Variants in DCUN1D1 observed in about 807,000 individuals in gnomAD.
DCUN1D1 encodes the protein defective in cullin neddylation 1 domain containing 1, also known as DCN1-like protein 1.
DCUN1D1 carries 3 observed loss-of-function variants against 39.0 expected under a neutral mutation model. The observed-to-expected ratio is 0.08, with a 90% confidence interval of 0.04 to 0.20. The LOEUF is 0.20. Among genes scored for constraint, DCUN1D1 ranks in the 10% least tolerant of loss-of-function variants. The probability of loss-of-function intolerance (pLI) is 1.00; values close to 1 mark genes in which losing one functional copy is unlikely to be tolerated. For synonymous variants in DCUN1D1, 82 were observed against 96.3 expected (o/e 0.85, Z 0.87); for missense variants, 158 against 302.4 (o/e 0.52, Z 3.54).
chr3:182,980,079 G>A, intron 1 of DCUN1D1: 1 of 899,968 alleles, frequency 1.1e-6, no homozygotes, highest in Non-Finnish European at 1.3e-6. Flanking sequence ...TACTCACCCG[G>A]AACCCCAGAC....
At chr3:182,977,938 G>A (rs887864422) in intron 1 of DCUN1D1, among the ~76,000 whole-genome samples, 11 of 151,296 alleles carry the variant, frequency 7.3e-5, no homozygotes, top group Non-Finnish European at 1.2e-4. Context: ...TACTTGGGAG[G>A]CTTAGGCTGG....
At chr3:182,973,651 A>C (rs978499033) in intron 1 of DCUN1D1, among the ~76,000 whole-genome samples, 1 of 152,080 alleles carries the variant, frequency 6.6e-6, no homozygotes, top group African/African-American at 2.4e-5. Context: ...TACTAAAAAT[A>C]CAAAAATTAG....
chr3:182,945,196 A>G (rs768417171), intron 6 of DCUN1D1, 23 bp from the exon 7 acceptor site: 8 of 1,572,468 alleles, frequency 5.1e-6, no homozygotes, highest in Non-Finnish European at 6.0e-6. Flanking sequence ...AAAAATATGA[A>G]AGAAAGAGAA....
intron 1 of DCUN1D1, among the ~76,000 whole-genome samples, chr3:182,968,724 C>T (rs1474287439): frequency 6.6e-6 from 1 of 152,012 alleles, no homozygotes; most frequent in African/African-American, 2.4e-5. Context: ...CTCAGCCTCC[C>T]GAGTAGCTGG....
At chr3:182,963,778 A>G (rs1350550430) in intron 3 of DCUN1D1, 103 bp downstream of exon 3, 11 of 1,031,718 alleles carry the variant, frequency 1.1e-5, no homozygotes, top group Non-Finnish European at 1.5e-5. Context: ...ATTTATACCA[A>G]TGTTTGTGGG....
chr3:182,950,511 G>T (rs1016779558), intron 4 of DCUN1D1, among the ~76,000 whole-genome samples: 2 of 151,744 alleles, frequency 1.3e-5, no homozygotes, highest in African/African-American at 4.8e-5. Context: ...AAATAGGTTT[G>T]TTTTTATTAT....
rs915412506 is a variant in DCUN1D1 at position 182,938,333 on chromosome 3, T to C, written c.*6761A>G. ...ATTTGAGATGTATGCAATGTAGGAA[T>C]CTTATTTGAATCCTGACTTGAATTG... On this transcript the variant is annotated 3_prime_UTR_variant, in exon 7 of 7. Transcript: ENST00000292782. 2.3e-4 allele frequency: 34 copies of C among 150,710 alleles called. No individual in the cohort carries two copies. The highest frequency in any genetic ancestry group is 7.8e-4 in the African/African-American group (32 of 40,962). 9.3% of individuals were successfully genotyped at this position (150,710 alleles called of 1,614,324 possible).
intron 1 of DCUN1D1, among the ~76,000 whole-genome samples, chr3:182,977,970 GCAC>G (rs1728325750): frequency 1.3e-5 from 2 of 150,522 alleles, no homozygotes; most frequent in African/African-American, 4.9e-5. Flanking sequence ...AACCCAGGAG[GCAC>G]GGGTTGCAGT....
Position 182,939,540 on chromosome 3 carries a change from A to G in DCUN1D1, c.*5554T>C, listed in dbSNP as rs934960654. Reference sequence around the variant, plus strand: ...GTCAGCAACTAAAGGAACTACACGCAGGTATAAGCTGCAACATGGATGAAC... The same window carrying G: ...GTCAGCAACTAAAGGAACTACACGCGGGTATAAGCTGCAACATGGATGAAC... On this transcript the variant is annotated 3_prime_UTR_variant, in exon 7 of 7. Coordinates refer to ENST00000292782, the MANE Select transcript of DCUN1D1 (RefSeq NM_020640.4). The G allele has an allele frequency of 1.3e-5, 2 of 152,244 alleles. No homozygotes were observed. Among genetic ancestry groups the G allele is most frequent in the Admixed American group, 6.5e-5 (1 of 15,280 alleles). The allele number at this position is 152,244 out of a possible 1,614,324, so 9.4% of individuals were successfully genotyped here.
chr3:182,940,492 A>G lies in DCUN1D1; in HGVS notation c.*4602T>C, dbSNP rs938977004. Reference sequence around the variant, plus strand: ...CTGGCATGAATTTCAGTCTGACTCCATTTCTTTCCATTCCGCTGACAGATA... The same window carrying G: ...CTGGCATGAATTTCAGTCTGACTCCGTTTCTTTCCATTCCGCTGACAGATA... On this transcript the variant is annotated 3_prime_UTR_variant, in exon 7 of 7. Transcript: ENST00000292782. 2 of 152,072 alleles carry G rather than the reference A, an allele frequency of 1.3e-5. No individual in the cohort carries two copies. The highest frequency in any genetic ancestry group is 2.4e-5 in the African/African-American group (1 of 41,406). 9.4% of individuals were successfully genotyped at this position (152,072 alleles called of 1,614,324 possible).
intron 1 of DCUN1D1, among the ~76,000 whole-genome samples, chr3:182,973,209 T>C (rs1292442755): frequency 6.6e-6 from 1 of 152,094 alleles, no homozygotes; most frequent in Non-Finnish European, 1.5e-5. Flanking sequence ...AGAGAGCTAC[T>C]AAGTGACTAA....
intron 4 of DCUN1D1, among the ~76,000 whole-genome samples, chr3:182,948,593 T>A (rs1376703316): frequency 6.6e-6 from 1 of 152,236 alleles, no homozygotes; most frequent in African/African-American, 2.4e-5. Flanking sequence ...AGTGTTTAGT[T>A]TTTATGAGTG....
intron 1 of DCUN1D1, among the ~76,000 whole-genome samples, chr3:182,979,281 T>G (rs1388396371): frequency 1.3e-5 from 2 of 152,134 alleles, no homozygotes; most frequent in Non-Finnish European, 2.9e-5. Context: ...AACAAAATAC[T>G]GCCAAGCTGG....
intron 4 of DCUN1D1, among the ~76,000 whole-genome samples, chr3:182,960,905 T>C (rs1180091946): frequency 2.6e-5 from 4 of 152,186 alleles, no homozygotes; most frequent in Non-Finnish European, 4.4e-5. Context: ...CTAAAATATC[T>C]TCAGGGTCAT....
At chr3:182,962,601 T>C (rs1727456468) in intron 3 of DCUN1D1, among the ~76,000 whole-genome samples, 1 of 152,172 alleles carries the variant, frequency 6.6e-6, no homozygotes, top group African/African-American at 2.4e-5. Flanking sequence ...CTCAGCCTTG[T>C]GGGGATCTCC....
chr3:182,942,626 A>T lies in DCUN1D1; in HGVS notation c.*2468T>A, dbSNP rs1199792802. The T allele has an allele frequency of 4.0e-5, 6 of 151,864 alleles. No homozygotes were observed. The South Asian group carries it at 1.0e-3, about 26-fold the overall frequency. The allele number at this position is 151,864 out of a possible 1,614,324, so 9.4% of individuals were successfully genotyped here. The stretch of plus-strand genomic sequence containing the variant: ...GTTCAGTTTAAAACAAAGAATCAGC[A>T]TGGGGAGTTTACCGGAATGAGGACT... On this transcript the variant is annotated 3_prime_UTR_variant, in exon 7 of 7. Coordinates refer to ENST00000292782, the MANE Select transcript of DCUN1D1 (RefSeq NM_020640.4).
At chr3:182,972,408 GC>G (rs1420001165) in intron 1 of DCUN1D1, among the ~76,000 whole-genome samples, 1 of 152,100 alleles carries the variant, frequency 6.6e-6, no homozygotes, top group Non-Finnish European at 1.5e-5. Context: ...TAAAATAATT[GC>G]TTATGGATAA....
In DCUN1D1 at chr3:182,940,301, T is replaced by C. The variant is rs1726078245; in HGVS notation, c.*4793A>G. ...ATATGAACATGCATTTGAATATATA[T>C]GTACTTTTTAAATATAAAATGAGTA... is the stretch of plus-strand genomic sequence containing the variant. On this transcript the variant is annotated 3_prime_UTR_variant, in exon 7 of 7. Transcript: ENST00000292782. 6.6e-6 allele frequency: 1 copy of C among 152,216 alleles called. No individual in the cohort carries two copies. The highest frequency in any genetic ancestry group is 1.5e-5 in the Non-Finnish European group (1 of 68,024). The allele number at this position is 152,216 out of a possible 1,614,324, so 9.4% of individuals were successfully genotyped here. A position where few individuals can be genotyped will look rare whatever the true frequency, so the allele number is the denominator to read the frequency against.
chr3:182,984,361 A>G (rs990966633), upstream of DCUN1D1, among the ~76,000 whole-genome samples: 4 of 152,234 alleles, frequency 2.6e-5, no homozygotes, highest in Admixed American at 6.5e-5. Context: ...TAAATGGAAA[A>G]GCATCCTGAA....
Sources: gnomAD v4.1 joint callset for allele counts (sites outside exome capture counted in the v4.1 genomes callset) on GRCh38, gnomAD v4.1.1 for gene constraint, MANE v1.5 for transcripts, NCBI Gene and HGNC (gene_info 2026-07-23, HGNC 2026-07-21) for gene names.